The following SERGEF variants were observed in gnomAD, a reference collection of about 807,000 sequenced individuals.
The protein encoded by SERGEF is secretion regulating guanine nucleotide exchange factor.
SERGEF carries 51 observed loss-of-function variants against 50.0 expected under a neutral mutation model. The observed-to-expected ratio is 1.02, with a 90% CI of 0.81 to 1.29. SERGEF has a LOEUF of 1.29. Ranked by LOEUF, SERGEF falls within the 50% of genes most tolerant of loss-of-function variation. The pLI is 0.00. For synonymous variants in SERGEF, 205 were observed against 212.4 expected, an observed-to-expected ratio of 0.97 and a Z score of 0.30; for missense variants, 521 against 557.0, an observed-to-expected ratio of 0.94 and a Z score of 0.65.
chr11:17,959,410 A>G (rs909006235), intron 9 of SERGEF, 60 bp downstream of exon 9: 1 of 1,502,538 alleles, frequency 6.7e-7, no homozygotes, highest in South Asian at 1.2e-5. Context: ...CCCTCAGTAA[A>G]TGATTCACTG....
chr11:17,941,078 T>G (rs1439680337), intron 9 of SERGEF, among the ~76,000 whole-genome samples: 5 of 152,232 alleles, frequency 3.3e-5, no homozygotes. Flanking sequence ...GTTAACATTT[T>G]TCTGTATTTG....
intron 10 of SERGEF, among the ~76,000 whole-genome samples, chr11:17,830,898 C>G (rs1417666488): frequency 6.6e-6 from 1 of 152,024 alleles, no homozygotes; most frequent in African/African-American, 2.4e-5. Context: ...GTACTCAGAC[C>G]ATTTACTGGT....
At position 17,830,685 on chromosome 11, in the gene SERGEF, A is replaced by AGAGAGAGAGAGAGAGAGAGAGAGAGAGC. The variant is rs540825238; in HGVS notation, c.1049-42273_1049-42272insGCTCTCTCTCTCTCTCTCTCTCTCTCTC. 1.7e-5 allele frequency among the ~76,000 whole-genome samples: 2 copies of AGAGAGAGAGAGAGAGAGAGAGAGAGAGC among 118,884 alleles called. 1 individual carries two copies. Among genetic ancestry groups the AGAGAGAGAGAGAGAGAGAGAGAGAGAGC allele is most frequent in the Non-Finnish European group, 3.7e-5 (2 of 54,760 alleles). 78.0% of individuals were successfully genotyped at this position (118,884 alleles called of 152,430 possible). A position where few individuals can be genotyped will look rare whatever the true frequency, so the allele number is the denominator to read the frequency against. ...GAGAGAGAGAGAGAGAGAGAGAGAG[A>AGAGAGAGAGAGAGAGAGAGAGAGAGAGC]GAGCACATGTACATGCAAGAGTAAG... On this transcript the variant is annotated intron_variant, in intron 10 of 10. Coordinates refer to ENST00000265965, the MANE Select transcript of SERGEF (RefSeq NM_012139.4).
chr11:17,813,352 T>C (rs1849907723), intron 10 of SERGEF, among the ~76,000 whole-genome samples: 1 of 152,344 alleles, frequency 6.6e-6, no homozygotes, highest in South Asian at 2.1e-4. Context: ...GACTTGCTCA[T>C]GATCATGTGG....
intron 8 of SERGEF, among the ~76,000 whole-genome samples, chr11:17,960,071 T>C (rs1273574602): frequency 2.0e-5 from 3 of 152,078 alleles, no homozygotes; most frequent in Non-Finnish European, 4.4e-5. Flanking sequence ...ACCTTGAAGT[T>C]CTCCACTCCA....
At position 17,952,721 on chromosome 11, in the gene SERGEF, C is replaced by A. The variant is rs117234202; in HGVS notation, c.1011+6749G>T. Among the ~76,000 whole-genome samples, 891 of 152,314 alleles carry A rather than the reference C, an allele frequency of 5.8e-3. 10 individuals carry two copies. Among genetic ancestry groups the A allele is most frequent in the Non-Finnish European group, 9.4e-3 (637 of 68,022 alleles). On this transcript the variant is annotated intron_variant, in intron 9 of 10. Coordinates refer to ENST00000265965, the MANE Select transcript of SERGEF (RefSeq NM_012139.4). ...CACCCACAGCCTCTATTTCTCATCACCCGCTCACTCATTTGCTGTGCTCCT... is the reference window on the plus strand; with the variant it reads ...CACCCACAGCCTCTATTTCTCATCAACCGCTCACTCATTTGCTGTGCTCCT...
intron 9 of SERGEF, among the ~76,000 whole-genome samples, chr11:17,892,420 G>A (rs1851548563): frequency 6.6e-6 from 1 of 152,154 alleles, no homozygotes. Context: ...GTTCAATGAT[G>A]AGATATGTGG....
chr11:18,012,232 C>T (rs577349330), intron 1 of SERGEF, among the ~76,000 whole-genome samples: 1 of 150,942 alleles, frequency 6.6e-6, no homozygotes, highest in South Asian at 2.1e-4. Context: ...AAATTATACA[C>T]ATCATTACAA....
intron 8 of SERGEF, among the ~76,000 whole-genome samples, chr11:17,961,073 C>T (rs1852986667): frequency 6.6e-6 from 1 of 152,202 alleles, no homozygotes; most frequent in African/African-American, 2.4e-5. Flanking sequence ...GGGTGAAAGT[C>T]ACCCTCCTGT....
intron 8 of SERGEF, among the ~76,000 whole-genome samples, chr11:17,980,620 T>C (rs1362042783): frequency 6.6e-6 from 1 of 152,230 alleles, no homozygotes; most frequent in South Asian, 2.1e-4. Context: ...AGTTACAGTA[T>C]GGTTAATCAT....
intron 10 of SERGEF, among the ~76,000 whole-genome samples, chr11:17,840,437 G>A (rs948747544): frequency 6.6e-6 from 1 of 152,054 alleles, no homozygotes; most frequent in Non-Finnish European, 1.5e-5. Flanking sequence ...CTTCCTGCCC[G>A]CCAGTCCAGC....
intron 9 of SERGEF, among the ~76,000 whole-genome samples, chr11:17,959,199 C>G (rs1852939995): frequency 6.6e-6 from 1 of 152,194 alleles, no homozygotes; most frequent in Non-Finnish European, 1.5e-5. Context: ...CTAGGCCAAT[C>G]TCTGTACCCT....
intron 4 of SERGEF, among the ~76,000 whole-genome samples, chr11:18,003,431 C>T (rs1854007116): frequency 6.6e-6 from 1 of 152,176 alleles, no homozygotes; most frequent in African/African-American, 2.4e-5. Context: ...ACACATAGCT[C>T]TTGAAAACTT....
intron 9 of SERGEF, among the ~76,000 whole-genome samples, chr11:17,954,083 C>A (rs1212297684): frequency 6.6e-6 from 1 of 152,170 alleles, no homozygotes; most frequent in African/African-American, 2.4e-5. Flanking sequence ...AAAGGTTTGG[C>A]CTGCCTGGGC....
At chr11:17,931,316 G>A (rs1463047438) in intron 9 of SERGEF, among the ~76,000 whole-genome samples, 2 of 152,038 alleles carry the variant, frequency 1.3e-5, no homozygotes, top group African/African-American at 2.4e-5. Context: ...AGAACATGGG[G>A]GCAAAAATAT....
At chr11:17,932,220 C>T (rs993648761) in intron 9 of SERGEF, among the ~76,000 whole-genome samples, 4 of 152,100 alleles carry the variant, frequency 2.6e-5, no homozygotes, top group Non-Finnish European at 4.4e-5. Flanking sequence ...GGAATGTCTG[C>T]GCGTGTTCAA....
chr11:17,938,066 C>A (rs1486237861), intron 9 of SERGEF, among the ~76,000 whole-genome samples: 1 of 152,180 alleles, frequency 6.6e-6, no homozygotes, highest in Non-Finnish European at 1.5e-5. Context: ...GCTTCTAACA[C>A]CACAAGTAGT....
At chr11:17,980,096 A>C (rs1415205082) in intron 8 of SERGEF, among the ~76,000 whole-genome samples, 1 of 152,228 alleles carries the variant, frequency 6.6e-6, no homozygotes, top group Non-Finnish European at 1.5e-5. Context: ...GAAAAGAAAG[A>C]GGCCAGGCTC....
intron 8 of SERGEF, among the ~76,000 whole-genome samples, chr11:17,960,666 T>G (rs747601909): frequency 1.3e-5 from 2 of 152,194 alleles, no homozygotes; most frequent in Non-Finnish European, 2.9e-5. Context: ...ATTCAACATA[T>G]GGTTTATAGT....
Sources: gnomAD v4.1 joint callset for allele counts (sites outside exome capture counted in the v4.1 genomes callset) on GRCh38, gnomAD v4.1.1 for gene constraint, MANE v1.5 for transcripts, NCBI Gene and HGNC (gene_info 2026-07-23, HGNC 2026-07-21) for gene names.